PLAA: variants seen among roughly 807,000 people sequenced by gnomAD.
PLAA encodes the protein phospholipase A-2-activating protein.
In PLAA, 48 loss-of-function variants were observed where a neutral mutation model predicts 84.1. That is an observed-to-expected ratio of 0.57 (90% CI 0.45 to 0.73). The LOEUF (loss-of-function observed/expected upper bound fraction) is 0.73. PLAA is among the 30% of genes least tolerant of loss of function. PLAA has a pLI of 0.00. For missense variants in PLAA, 903 were observed against 954.7 expected, an observed-to-expected ratio of 0.95 and a Z score of 0.71; for synonymous variants, 392 against 336.6, an observed-to-expected ratio of 1.16 and a Z score of -1.80.
Position 26,925,824 on chromosome 9 carries a change from C to A in PLAA, c.869+1G>T. Reference sequence around the variant, plus strand: ...TTAATGATTGACTAGAATATAAATACCTCGCACCAACCACAATGTCACCAT... The same window carrying A: ...TTAATGATTGACTAGAATATAAATAACTCGCACCAACCACAATGTCACCAT... On this transcript the variant is annotated splice_donor_variant, in intron 6 of 13. Coordinates refer to ENST00000397292, the MANE Select transcript of PLAA (RefSeq NM_001031689.3). LOFTEE classifies it high-confidence loss of function. 6.2e-7 allele frequency: 1 copy of A among 1,613,608 alleles called. No individual in the cohort carries two copies. The highest frequency in any genetic ancestry group is 8.5e-7 in the Non-Finnish European group (1 of 1,179,692).
chr9:26,926,083 T>C (rs1236481330), intron 5 of PLAA, 123 bp from the exon 6 acceptor site: 5 of 749,912 alleles, frequency 6.7e-6, no homozygotes, highest in African/African-American at 1.8e-5. Context: ...GTTTTAAATT[T>C]CATATGTTTG....
intron 1 of PLAA, among the ~76,000 whole-genome samples, chr9:26,940,575 G>C (rs1243198710): frequency 6.6e-6 from 1 of 152,184 alleles, no homozygotes; most frequent in Non-Finnish European, 1.5e-5. Flanking sequence ...GGATGGTGGT[G>C]ATGGTTACAC....
chr9:26,914,136 C>T (rs1030948067), intron 10 of PLAA, among the ~76,000 whole-genome samples, 189 bp from the exon 11 acceptor site: 1 of 152,090 alleles, frequency 6.6e-6, no homozygotes, highest in Non-Finnish European at 1.5e-5. Context: ...GTGTTAGCTA[C>T]AAAGTAAACA....
At chr9:26,934,898 C>A (rs62544451) in intron 2 of PLAA, 115 bp downstream of exon 2, 1 of 761,094 alleles carries the variant, frequency 1.3e-6, no homozygotes, top group Non-Finnish European at 2.0e-6. Context: ...ATTACCAAAC[C>A]ACAGATATAG....
chr9:26,922,552 A>T (rs1824804332), intron 7 of PLAA, among the ~76,000 whole-genome samples: 1 of 152,230 alleles, frequency 6.6e-6, no homozygotes, highest in Non-Finnish European at 1.5e-5. Context: ...CACTGGTATA[A>T]TAATGCAATC....
chr9:26,927,285 G>A (rs1352752184), intron 4 of PLAA, among the ~76,000 whole-genome samples: 3 of 151,702 alleles, frequency 2.0e-5, no homozygotes, highest in Admixed American at 6.6e-5. Flanking sequence ...CACTCCTGGC[G>A]AATTTTTTTG....
intron 2 of PLAA, among the ~76,000 whole-genome samples, chr9:26,933,337 A>G (rs1013238761): frequency 6.6e-6 from 1 of 151,714 alleles, no homozygotes; most frequent in Non-Finnish European, 1.5e-5. Flanking sequence ...CTGGAGGCTG[A>G]GGCAGGAGAA....
intron 2 of PLAA, among the ~76,000 whole-genome samples, chr9:26,932,905 C>T (rs1231689992): frequency 1.3e-5 from 2 of 152,042 alleles, no homozygotes; most frequent in Admixed American, 6.6e-5. Flanking sequence ...GAGACTGAGG[C>T]GGGTGGATCA....
At chr9:26,938,533 A>G (rs1825429652) in intron 1 of PLAA, among the ~76,000 whole-genome samples, 1 of 150,678 alleles carries the variant, frequency 6.6e-6, no homozygotes, top group African/African-American at 2.5e-5. Flanking sequence ...GCCTGGGCCA[A>G]AAGAGTAAGA....
rs966257658 is a variant in PLAA at position 26,904,184 on chromosome 9, A to G, written c.*1327T>C. On this transcript the variant is annotated 3_prime_UTR_variant, in exon 14 of 14. Transcript: ENST00000397292. Reference sequence around the variant, plus strand: ...GTTCTTACTTGGGTTACTCTTGACAATTAGAACCTTTCTTGCCCATTTGGG... The same window carrying G: ...GTTCTTACTTGGGTTACTCTTGACAGTTAGAACCTTTCTTGCCCATTTGGG... 3 of 152,210 alleles carry G rather than the reference A, an allele frequency of 2.0e-5. No individual in the cohort carries two copies. Among genetic ancestry groups the G allele is most frequent in the South Asian group, 2.1e-4 (1 of 4,828 alleles). The allele number at this position is 152,210 out of a possible 1,614,324, so 9.4% of individuals were successfully genotyped here.
intron 1 of PLAA, among the ~76,000 whole-genome samples, chr9:26,941,686 A>G (rs1415569939): frequency 1.3e-5 from 2 of 152,182 alleles, no homozygotes; most frequent in Non-Finnish European, 2.9e-5. Flanking sequence ...CCTTAGAGGT[A>G]TAAGATATTG....
At chr9:26,943,015 T>C (rs564569694) in intron 1 of PLAA, among the ~76,000 whole-genome samples, 8 of 151,980 alleles carry the variant, frequency 5.3e-5, no homozygotes, top group Non-Finnish European at 1.2e-4. Context: ...TAATATAGAT[T>C]AATATAATCA....
At chr9:26,911,089 T>C (rs1186687952) in intron 11 of PLAA, among the ~76,000 whole-genome samples, 1 of 152,074 alleles carries the variant, frequency 6.6e-6, no homozygotes, top group Non-Finnish European at 1.5e-5. Flanking sequence ...CCAGGGTACA[T>C]GTGCAGGATG....
At chr9:26,910,130 C>G (rs940493017) in intron 12 of PLAA, among the ~76,000 whole-genome samples, 3 of 151,948 alleles carry the variant, frequency 2.0e-5, no homozygotes, top group African/African-American at 7.3e-5. Flanking sequence ...AAATTACTTA[C>G]TTTATGTTTG....
At position 26,916,534 on chromosome 9, in the gene PLAA, T is replaced by C. The variant is rs1020286382; in HGVS notation, c.1486+563A>G. 3.1e-6 allele frequency: 3 copies of C among 969,690 alleles called. No individual in the cohort carries two copies. In the Admixed American group the frequency reaches 2.0e-4, roughly 65 times the overall value. The allele number at this position is 969,690 out of a possible 1,614,324, so 60.1% of individuals were successfully genotyped here. On this transcript the variant is annotated intron_variant, in intron 10 of 13. Coordinates refer to ENST00000397292, the MANE Select transcript of PLAA (RefSeq NM_001031689.3). Reference sequence around the variant, plus strand: ...ATTAGGAAGACTACTCCTGGGTAGTTGGGTGGAATGTCTCCTTCCATGTTA... The same window carrying C: ...ATTAGGAAGACTACTCCTGGGTAGTCGGGTGGAATGTCTCCTTCCATGTTA...
At chr9:26,917,072 T>C (rs1422819388) in intron 10 of PLAA, 25 bp downstream of exon 10, 3 of 1,586,958 alleles carry the variant, frequency 1.9e-6, no homozygotes, top group Admixed American at 3.4e-5. Context: ...TGAAGAAAGA[T>C]ACATGAATCA....
chr9:26,933,658 A>G (rs564448263), intron 2 of PLAA, among the ~76,000 whole-genome samples: 43 of 148,706 alleles, frequency 2.9e-4, no homozygotes, highest in African/African-American at 5.4e-4. Context: ...GCGTGGTAGC[A>G]GGCGCCTGTA....
intron 1 of PLAA, among the ~76,000 whole-genome samples, chr9:26,936,017 A>G (rs1197039566): frequency 6.6e-6 from 1 of 152,128 alleles, no homozygotes; most frequent in Non-Finnish European, 1.5e-5. Context: ...TACTATGTGG[A>G]AAGCAATAAA....
At chr9:26,940,654 T>C (rs930887850) in intron 1 of PLAA, among the ~76,000 whole-genome samples, 1 of 152,226 alleles carries the variant, frequency 6.6e-6, no homozygotes, top group Non-Finnish European at 1.5e-5. Context: ...TTTTATGTTT[T>C]GTGTATTGTA....
Sources: allele counts gnomAD v4.1 joint callset (sites outside exome capture counted in the v4.1 genomes callset), GRCh38; gene constraint gnomAD v4.1.1; transcripts MANE v1.5; gene names NCBI Gene and HGNC (gene_info 2026-07-23, HGNC 2026-07-21).